DNAH14: variants seen among roughly 807,000 people sequenced by gnomAD.
DNAH14 encodes the protein dynein axonemal heavy chain 14.
A neutral mutation model predicts 520.9 loss-of-function variants in DNAH14; 478 were observed. The observed-to-expected ratio is 0.92, with a 90% CI of 0.85 to 0.99. DNAH14 has a LOEUF of 0.99. Among genes scored for constraint, DNAH14 ranks in the 50% least tolerant of loss-of-function variants. The probability of loss-of-function intolerance (pLI) is 0.00; values close to 1 mark genes in which losing one functional copy is unlikely to be tolerated. For missense variants in DNAH14, 4,831 were observed against 5,234.5 expected, an observed-to-expected ratio of 0.92 and a Z score of 2.38; for synonymous variants, 1,581 against 1,757.2, an observed-to-expected ratio of 0.90 and a Z score of 2.51.
At chr1:224,985,397 A>G (rs187612867) in intron 8 of DNAH14, among the ~76,000 whole-genome samples, 3 of 152,312 alleles carry the variant, frequency 2.0e-5, no homozygotes, top group African/African-American at 7.2e-5. Context: ...TCTCACTGAT[A>G]TATGGGAGCT....
At position 225,235,586 on chromosome 1, in the gene DNAH14, A is replaced by G. The variant is rs929896325; in HGVS notation, c.6518+4435A>G. On this transcript the variant is annotated intron_variant, in intron 42 of 85. Transcript: ENST00000682510. ...GTTAGGGAGGAGTCCCTCATTTTCA[A>G]TTGTTTGTAATAGTTTCATTAGAAA... 2.0e-5 allele frequency among the ~76,000 whole-genome samples: 3 copies of G among 152,104 alleles called. No individual in the cohort carries two copies. In the East Asian group the frequency reaches 5.8e-4, roughly 29 times the overall value.
intron 17 of DNAH14, among the ~76,000 whole-genome samples, chr1:225,074,277 G>T (rs2071963619): frequency 6.6e-6 from 1 of 152,188 alleles, no homozygotes; most frequent in Non-Finnish European, 1.5e-5. Context: ...GGGATTACAG[G>T]CGTGAGCCAC....
intron 41 of DNAH14, among the ~76,000 whole-genome samples, chr1:225,212,615 G>T (rs1406440122): frequency 6.6e-6 from 1 of 152,104 alleles, no homozygotes; most frequent in African/African-American, 2.4e-5. Context: ...GTGTGAGGTG[G>T]TATCTCATTG....
intron 50 of DNAH14, 113 bp from the exon 51 acceptor site, chr1:225,271,793 A>G (rs1216744521): frequency 2.5e-6 from 2 of 803,788 alleles, no homozygotes; most frequent in Non-Finnish European, 3.8e-6. Context: ...TTAACATTTA[A>G]TGAAATTAAT....
chr1:225,147,202 C>G lies in DNAH14; in HGVS notation c.4893C>G (p.Ala1631=), dbSNP rs1039934753. The part of the protein sequence containing the change: ...LIDLEVLSVI[A]SQILTIKAAK... Reference sequence around the variant, plus strand: ...ATTTGGAAGTTCTCTCTGTCATTGCCTCACAGATCCTAACAATTAAGGCTG... The same window carrying G: ...ATTTGGAAGTTCTCTCTGTCATTGCGTCACAGATCCTAACAATTAAGGCTG... The change falls in exon 31 of 86, where the codon GCC becomes GCG. Residue 1631 remains alanine (A), a synonymous_variant. Transcript: ENST00000682510. The G allele has an allele frequency of 1.3e-6, 2 of 1,550,360 alleles. No homozygotes were observed. Among genetic ancestry groups the G allele is most frequent in the African/African-American group, 2.7e-5 (2 of 72,924 alleles).
chr1:225,224,614 C>G (rs1049475753), intron 41 of DNAH14, among the ~76,000 whole-genome samples: 1 of 152,170 alleles, frequency 6.6e-6, no homozygotes, highest in African/African-American at 2.4e-5. Flanking sequence ...ATAAAACATG[C>G]CCTTCCTGCT....
intron 23 of DNAH14, among the ~76,000 whole-genome samples, chr1:225,113,416 A>G (rs1553455727): frequency 6.6e-6 from 1 of 152,202 alleles, no homozygotes; most frequent in Non-Finnish European, 1.5e-5. Flanking sequence ...CACTGGAGCC[A>G]TGGTGGGTCA....
chr1:225,280,724 A>G (rs1411142545), intron 54 of DNAH14, among the ~76,000 whole-genome samples: 3 of 152,192 alleles, frequency 2.0e-5, no homozygotes, highest in Non-Finnish European at 4.4e-5. Flanking sequence ...AAAGACAAAG[A>G]GAAAATCATG....
At chr1:225,013,813 C>G (rs899605794) in intron 10 of DNAH14, among the ~76,000 whole-genome samples, 3 of 152,160 alleles carry the variant, frequency 2.0e-5, no homozygotes, top group African/African-American at 4.8e-5. Flanking sequence ...CCCCACCAAG[C>G]TTGAGCATCC....
intron 80 of DNAH14, among the ~76,000 whole-genome samples, chr1:225,380,991 T>C (rs1343022787): frequency 6.6e-6 from 1 of 152,164 alleles, no homozygotes; most frequent in Non-Finnish European, 1.5e-5. Flanking sequence ...TGAACTAAAA[T>C]GGCTTTTGCA....
intron 54 of DNAH14, among the ~76,000 whole-genome samples, chr1:225,279,881 T>C (rs2093587872): frequency 1.3e-5 from 2 of 151,216 alleles, no homozygotes; most frequent in Non-Finnish European, 2.9e-5. Context: ...CTTGTAAATA[T>C]ACTCAAAAAG....
Position 225,152,700 on chromosome 1 carries a change from C to A in DNAH14, c.5013C>A (p.Tyr1671Ter). 1 of 1,536,488 alleles carries A rather than the reference C, an allele frequency of 6.5e-7. No individual in the cohort carries two copies. Among genetic ancestry groups the A allele is most frequent in the Non-Finnish European group, 8.8e-7 (1 of 1,141,160 alleles). The change falls in exon 33 of 86, where the codon TAC (tyrosine) becomes TAA (stop). Residue 1671 changes from tyrosine (Y) to a stop codon, truncating the protein, a stop_gained. Coordinates refer to ENST00000682510, the MANE Select transcript of DNAH14 (RefSeq NM_001367479.1). LOFTEE classifies it high-confidence loss of function. ...TTGTTTTTCTTTTCCTCTTCAGATACGGAGGTGGAGTAGAGCTCCCAGATA... is the reference window on the plus strand; with the variant it reads ...TTGTTTTTCTTTTCCTCTTCAGATAAGGAGGTGGAGTAGAGCTCCCAGATA... ...CAVFITMNPRYGGGVELPDNL... is the reference protein window; with the variant it reads ...CAVFITMNPR
intron 64 of DNAH14, 54 bp from the exon 65 acceptor site, chr1:225,331,383 G>T: frequency 6.6e-7 from 1 of 1,514,466 alleles, no homozygotes; most frequent in Non-Finnish European, 8.9e-7. Context: ...CTAAAGTCTT[G>T]AAGCAAAATG....
At chr1:225,230,413 A>T (rs1263659585) in intron 41 of DNAH14, among the ~76,000 whole-genome samples, 3 of 152,174 alleles carry the variant, frequency 2.0e-5, no homozygotes, top group Non-Finnish European at 2.9e-5. Context: ...ATGCATCAAC[A>T]TATTACTAGT....
At chr1:225,250,775 G>C (rs2092512293) in intron 43 of DNAH14, 2 of 462,956 alleles carry the variant, frequency 4.3e-6, no homozygotes, top group African/African-American at 2.0e-5. Flanking sequence ...CTTGGGATTG[G>C]CTAGTTTGAA....
chr1:225,080,215 G>A (rs989372472), intron 18 of DNAH14, among the ~76,000 whole-genome samples, 164 bp from the exon 19 acceptor site: 1 of 152,124 alleles, frequency 6.6e-6, no homozygotes, highest in Non-Finnish European at 1.5e-5. Context: ...ATCTTTCTGG[G>A]CCAATCTTTA....
At chr1:225,054,855 T>G (rs971257859) in intron 17 of DNAH14, among the ~76,000 whole-genome samples, 2 of 152,306 alleles carry the variant, frequency 1.3e-5, no homozygotes, top group Middle Eastern at 3.4e-3. Context: ...TAAGTGTGCT[T>G]CTTATAAATA....
chr1:225,355,365 C>A (rs1160430841), intron 73 of DNAH14, among the ~76,000 whole-genome samples: 2 of 152,162 alleles, frequency 1.3e-5, no homozygotes, highest in African/African-American at 4.8e-5. Context: ...GCCTGAAACT[C>A]CTGCCTCAGC....
At chr1:225,283,243 AT>A (rs2093663933) in intron 54 of DNAH14, among the ~76,000 whole-genome samples, 1 of 151,986 alleles carries the variant, frequency 6.6e-6, no homozygotes, top group South Asian at 2.1e-4. Flanking sequence ...ATAAAACTAG[AT>A]TTTTTAAAGA....
Sources: gnomAD v4.1 joint callset for allele counts (sites outside exome capture counted in the v4.1 genomes callset) on GRCh38, gnomAD v4.1.1 for gene constraint, MANE v1.5 for transcripts, NCBI Gene and HGNC (gene_info 2026-07-23, HGNC 2026-07-21) for gene names.